Variants in SLC25A45 observed in about 807,000 individuals in gnomAD.
SLC25A45 encodes methylated amino-acid transporter SLC25A45.
SLC25A45 carries 22 observed loss-of-function variants against 23.0 expected under a neutral mutation model. The observed-to-expected ratio is 0.95, with a 90% CI of 0.68 to 1.36. The LOEUF is 1.36. Among genes scored for constraint, SLC25A45 ranks in the 40% most tolerant of loss-of-function variants. The pLI is 0.00. For synonymous variants in SLC25A45, 136 were observed against 155.0 expected (o/e 0.88, Z 0.91); for missense variants, 355 against 383.5 (o/e 0.93, Z 0.62).
rs577955015 is a variant in SLC25A45, at chr11:65,379,608, C to T, written c.154-47G>A. ...GCGGAGTAGGCACCGTGGGGCCTCCCCTTTGTCCTCTCCACCCCTGGCAAG... is the reference window on the plus strand; with the variant it reads ...GCGGAGTAGGCACCGTGGGGCCTCCTCTTTGTCCTCTCCACCCCTGGCAAG... On this transcript the variant is annotated intron_variant, in intron 4 of 6. Coordinates refer to ENST00000398802, the MANE Select transcript of SLC25A45 (RefSeq NM_182556.4). 8 of 1,541,270 alleles carry T rather than the reference C, an allele frequency of 5.2e-6. No individual in the cohort carries two copies. The East Asian group carries it at 1.1e-4, about 22-fold the overall frequency.
chr11:65,377,251 T>C (rs1855263344), intron 5 of SLC25A45, 175 bp from the exon 6 acceptor site: 2 of 1,428,834 alleles, frequency 1.4e-6, no homozygotes, highest in African/African-American at 2.9e-5. Flanking sequence ...GATGTCTGCA[T>C]GCGACCGGGA....
Position 65,381,895 on chromosome 11 carries a change from A to G in SLC25A45, c.37+20T>C, listed in dbSNP as rs1268857290. 2 of 1,614,078 alleles carry G rather than the reference A, an allele frequency of 1.2e-6. No homozygotes were observed. The highest frequency in any genetic ancestry group is 1.7e-6 in the Non-Finnish European group (2 of 1,179,986). On this transcript the variant is annotated intron_variant, in intron 2 of 6. Transcript: ENST00000398802. ...CCTACCATTGGGTGTGATGTGACAG[A>G]AGGAAGAAAAATGTCTCACCAGAGA...
chr11:65,380,734 G>T, intron 2 of SLC25A45: 1 of 556,970 alleles, frequency 1.8e-6, no homozygotes, highest in Non-Finnish European at 2.8e-6. Context: ...TGGTTCTGGA[G>T]TTTGGGGGAG....
At chr11:65,379,824 C>A (rs562537427) in intron 4 of SLC25A45, 43 bp downstream of exon 4, 2 of 1,610,336 alleles carry the variant, frequency 1.2e-6, no homozygotes, top group South Asian at 1.1e-5. Flanking sequence ...GCCCCAGATG[C>A]CTCCCCGAAA....
chr11:65,378,963 A>C, intron 5 of SLC25A45: 1 of 188,424 alleles, frequency 5.3e-6, no homozygotes, highest in Non-Finnish European at 1.1e-5. Context: ...GGGCCAGGGG[A>C]GTGTCAGGAC....
At chr11:65,379,695 T>C (rs1855442041) in intron 4 of SLC25A45, 134 bp from the exon 5 acceptor site, 1 of 1,252,958 alleles carries the variant, frequency 8.0e-7, no homozygotes, top group Non-Finnish European at 1.1e-6. Flanking sequence ...CAGGCAGGGA[T>C]GGGCTGAGGC....
intron 3 of SLC25A45, 96 bp from the exon 4 acceptor site, chr11:65,380,034 G>A (rs1222670617): frequency 6.3e-7 from 1 of 1,582,368 alleles, no homozygotes; most frequent in Non-Finnish European, 8.7e-7. Context: ...CAGCAGGAGA[G>A]GCAGGAAAGG....
At position 65,375,630 on chromosome 11, in the gene SLC25A45, C is replaced by T. The variant is rs1855115379; in HGVS notation, c.*777G>A. The T allele has an allele frequency of 6.6e-6, 1 of 152,174 alleles. No homozygotes were observed. The highest frequency in any genetic ancestry group is 6.6e-5 in the Admixed American group (1 of 15,252). 9.4% of individuals were successfully genotyped at this position (152,174 alleles called of 1,614,324 possible). On this transcript the variant is annotated 3_prime_UTR_variant, in exon 7 of 7. Transcript: ENST00000398802. ...GAGGGTGGAAGGAGTTTGGGCTTTT[C>T]CTGAAGGTGATGAGAGCCACTGAAG...
chr11:65,382,900 G>C (rs1192697369), upstream of SLC25A45: 1 of 152,350 alleles, frequency 6.6e-6, no homozygotes, highest in African/African-American at 2.4e-5. This position sits in a 1 kb window ranked among gnomAD's most constrained non-coding sequence, Gnocchi z 4.4. Flanking sequence ...CTCCCCAGCC[G>C]GAGGCACTGC....
At position 65,381,923 on chromosome 11, in the gene SLC25A45, C is replaced by G. The variant is rs1855584160; in HGVS notation, c.29G>C (p.Trp10Ser). The G allele has an allele frequency of 6.2e-7, 1 of 1,614,048 alleles. No individual in the cohort carries two copies. Among genetic ancestry groups the G allele is most frequent in the Non-Finnish European group, 8.5e-7 (1 of 1,180,024 alleles). Residue 10 changes from tryptophan (W) to serine (S), a missense_variant, in exon 2 of 7, where the codon TGG (tryptophan) becomes TCG (serine). Trp to Ser is a radical substitution (Grantham distance 177). Transcript: ENST00000398802. MPVEEFVAG[W>S]ISGALGLVLG... is the part of the protein sequence containing the mutation. ...GAAGAAAAATGTCTCACCAGAGATC[C>G]AGCCAGCCACAAATTCCTCCACCGG... is the stretch of plus-strand genomic sequence containing the variant.
chr11:65,379,752 C>T, intron 4 of SLC25A45, 115 bp downstream of exon 4: 1 of 1,421,544 alleles, frequency 7.0e-7, no homozygotes, highest in South Asian at 1.2e-5. Flanking sequence ...CCAAGGATCC[C>T]AGACTTGGTC....
At chr11:65,381,763 G>C in intron 2 of SLC25A45, 152 bp downstream of exon 2, 1 of 898,052 alleles carries the variant, frequency 1.1e-6, no homozygotes, top group South Asian at 1.3e-5. Context: ...TCCCTATGTT[G>C]CCCAGACTGG....
intron 3 of SLC25A45, 46 bp downstream of exon 3, chr11:65,380,086 G>A (rs766825538): frequency 6.3e-7 from 1 of 1,590,664 alleles, no homozygotes; most frequent in Admixed American, 1.7e-5. Flanking sequence ...CTGACATTTG[G>A]GTCAGGTGAG....
Position 65,376,928 on chromosome 11 carries a change from A to C in SLC25A45, c.488T>G (p.Leu163Arg). The C allele has an allele frequency of 6.2e-7, 1 of 1,613,688 alleles. No homozygotes were observed. The highest frequency in any genetic ancestry group is 8.5e-7 in the Non-Finnish European group (1 of 1,179,778). The change falls in exon 6 of 7, where the codon CTG (leucine) becomes CGG (arginine). Residue 163 changes from leucine to arginine, a missense_variant. Transcript: ENST00000398802. ...SIFREEGPRGLFRGAWALTLR... is the reference protein window; with the variant it reads ...SIFREEGPRGRFRGAWALTLR... Reference sequence around the variant, plus strand: ...CGTCAGGGCCCAGGCTCCTCGGAACAGCCCCCGGGGCCCCTCCTCCCGGAA... The same window carrying C: ...CGTCAGGGCCCAGGCTCCTCGGAACCGCCCCCGGGGCCCCTCCTCCCGGAA...
chr11:65,380,678 C>T (rs1286220704), intron 2 of SLC25A45: 18 of 1,117,592 alleles, frequency 1.6e-5, no homozygotes, highest in Non-Finnish European at 2.2e-5. Context: ...CTTCTCCCCT[C>T]CCCTCCACCT....
At position 65,376,919 on chromosome 11, in the gene SLC25A45, C is replaced by T; in HGVS notation, c.497G>A (p.Gly166Glu). 1.2e-6 allele frequency: 2 copies of T among 1,613,462 alleles called. No individual in the cohort carries two copies. Among genetic ancestry groups the T allele is most frequent in the Non-Finnish European group, 1.7e-6 (2 of 1,179,506 alleles). ...REEGPRGLFR[G>E]AWALTLRDTP... is the part of the protein sequence containing the mutation. The stretch of plus-strand genomic sequence containing the variant: ...GTCCCTCAGCGTCAGGGCCCAGGCT[C>T]CTCGGAACAGCCCCCGGGGCCCCTC... The change falls in exon 6 of 7, where the codon GGA becomes GAA. Residue 166 changes from glycine to glutamate, a missense_variant. Transcript: ENST00000398802.
intron 4 of SLC25A45, 104 bp downstream of exon 4, chr11:65,379,760 GTCT>G (rs1855445614): frequency 1.4e-6 from 2 of 1,459,068 alleles, no homozygotes; most frequent in South Asian, 1.2e-5. Context: ...CCCAGACTTG[GTCT>G]TCTCTCCTCC....
At chr11:65,377,104 G>C (rs772533468) in intron 5 of SLC25A45, 28 bp from the exon 6 acceptor site, 1 of 1,601,856 alleles carries the variant, frequency 6.2e-7, no homozygotes, top group South Asian at 1.1e-5. Context: ...TGAGGGCCCC[G>C]GGTGGGGCTT....
intron 2 of SLC25A45, 76 bp downstream of exon 2, chr11:65,381,839 T>C (rs1368314555): frequency 6.3e-7 from 1 of 1,588,812 alleles, no homozygotes; most frequent in Admixed American, 1.7e-5. Context: ...TCTCTGCTCC[T>C]CCCATGTCAC....
Sources: gnomAD v4.1 joint callset for allele counts on GRCh38, gnomAD v4.1.1 for gene constraint, Gnocchi (gnomAD v3.1) non-coding constraint, MANE v1.5 for transcripts, NCBI Gene and HGNC (gene_info 2026-07-23, HGNC 2026-07-21) for gene names.